TIMP4: variants seen among roughly 807,000 people sequenced by gnomAD.
The protein encoded by TIMP4 is TIMP metallopeptidase inhibitor 4.
Under a neutral mutation model 27.3 loss-of-function variants are expected in TIMP4, and 28 were observed. The ratio of observed to expected loss-of-function variants is 1.03; its 90% CI spans 0.76 to 1.41. The LOEUF (loss-of-function observed/expected upper bound fraction) is 1.41, where lower values mean the gene tolerates loss of function less well. Ranked by LOEUF, TIMP4 falls within the 40% of genes most tolerant of loss-of-function variation. The pLI is 0.00. For missense variants in TIMP4, 307 were observed against 285.5 expected (o/e 1.08, Z -0.54); for synonymous variants, 138 against 115.5 (o/e 1.20, Z -1.25).
In TIMP4 at chr3:12,157,409, G is replaced by A. The variant is rs557105001; in HGVS notation, c.213C>T (p.Leu71=). 2 of 1,614,012 alleles carry A rather than the reference G, an allele frequency of 1.2e-6. No homozygotes were observed. The highest frequency in any genetic ancestry group is 1.7e-5 in the Admixed American group (1 of 59,998). ...CCTTTATCTGTTTGATTTCATACCG[G>A]AGCATTTTTTCAGTGTCAGCAGGGT... ...SADPADTEKM[L]RYEIKQIKMF... Residue 71 remains leucine, a synonymous_variant, in exon 2 of 5, where the codon CTC becomes CTT. Coordinates refer to ENST00000287814, the MANE Select transcript of TIMP4 (RefSeq NM_003256.4).
chr3:12,153,352 G>C lies in TIMP4; in HGVS notation c.*163C>G. ...AACAGGCTGAGGGCAGGGCAGAAAA[G>C]TCATGGCCCCTTCCCTGCCTTGACA... On this transcript the variant is annotated 3_prime_UTR_variant, in exon 5 of 5. Coordinates refer to ENST00000287814, the MANE Select transcript of TIMP4 (RefSeq NM_003256.4). The C allele has an allele frequency of 2.5e-6, 2 of 798,394 alleles. No homozygotes were observed. The highest frequency in any genetic ancestry group is 4.1e-6 in the Non-Finnish European group (2 of 483,826). The allele number at this position is 798,394 out of a possible 1,614,324, so 49.5% of individuals were successfully genotyped here.
At chr3:12,155,565 G>C (rs1394432290) in intron 3 of TIMP4, among the ~76,000 whole-genome samples, 1 of 152,174 alleles carries the variant, frequency 6.6e-6, no homozygotes, top group African/African-American at 2.4e-5. Flanking sequence ...GGGAAAGTGA[G>C]GGGCTGGGAA....
Position 12,158,899 on chromosome 3 carries a change from G to A in TIMP4, c.-59C>T. 10 of 1,460,884 alleles carry A rather than the reference G, an allele frequency of 6.8e-6. No homozygotes were observed. Among genetic ancestry groups the A allele is most frequent in the East Asian group, 2.6e-5 (1 of 39,146 alleles). 90.5% of individuals were successfully genotyped at this position (1,460,884 alleles called of 1,614,324 possible). Reference sequence around the variant, plus strand: ...CTGGGGGACTGGACGGCCCCAGCAGGGCTCCTTCCCAAGGCCGTTGTGCCC... The same window carrying A: ...CTGGGGGACTGGACGGCCCCAGCAGAGCTCCTTCCCAAGGCCGTTGTGCCC... On this transcript the variant is annotated 5_prime_UTR_variant, in exon 1 of 5. Transcript: ENST00000287814.
Position 12,157,357 on chromosome 3 carries a change from C to A in TIMP4, c.237+28G>T, listed in dbSNP as rs895733131. On this transcript the variant is annotated intron_variant, in intron 2 of 4. Transcript: ENST00000287814. ...CCACTTTCTCCATCAGCCTTAGGGG[C>A]TACACATCCCAGCCTGCCCCCATGT... 9.3e-6 allele frequency: 15 copies of A among 1,606,390 alleles called. No individual in the cohort carries two copies. In the Admixed American group the frequency reaches 1.8e-4, roughly 20 times the overall value.
chr3:12,154,365 T>C lies in TIMP4; in HGVS notation c.439A>G (p.Ser147Gly). The change falls in exon 4 of 5, where the codon AGT (serine) becomes GGT (glycine). Residue 147 changes from serine (S) to glycine (G), a missense_variant. Coordinates refer to ENST00000287814, the MANE Select transcript of TIMP4 (RefSeq NM_003256.4). ...WEDLSLVQRE[S>G]LNHHYHLNCG... ...TTCAGATGGTAGTGATGATTCAGAC[T>C]TTCCCTCTGCACCAAGGACAGGTCC... 1 of 1,614,224 alleles carries C rather than the reference T, an allele frequency of 6.2e-7. No homozygotes were observed. The highest frequency in any genetic ancestry group is 1.3e-5 in the African/African-American group (1 of 75,058).
Position 12,158,730 on chromosome 3 carries a change from A to G in TIMP4, c.111T>C (p.Pro37=). 1 of 1,609,910 alleles carries G rather than the reference A, an allele frequency of 6.2e-7. No homozygotes were observed. Among genetic ancestry groups the G allele is most frequent in the Non-Finnish European group, 8.5e-7 (1 of 1,179,696 alleles). Residue 37 remains proline (P), a synonymous_variant, in exon 1 of 5, where the codon CCT becomes CCC. Transcript: ENST00000287814. ...GEACSCAPAH[P]QQHICHSALV... ...GTGCCGAGTGGCAGATGTGCTGCTG[A>G]GGGTGCGCCGGGGCGCAGCTGCATG...
intron 4 of TIMP4, among the ~76,000 whole-genome samples, chr3:12,153,961 T>G (rs950935751): frequency 3.3e-5 from 5 of 152,234 alleles, no homozygotes; most frequent in Admixed American, 2.6e-4. Context: ...CCTTGAGCAC[T>G]TCACTTGCCA....
intron 3 of TIMP4, among the ~76,000 whole-genome samples, chr3:12,155,582 T>C (rs901786331): frequency 3.9e-5 from 6 of 152,152 alleles, no homozygotes; most frequent in African/African-American, 7.2e-5. Flanking sequence ...GGAACTGATA[T>C]TGACAAAGCT....
chr3:12,157,627 G>C, intron 1 of TIMP4, 145 bp from the exon 2 acceptor site: 1 of 704,784 alleles, frequency 1.4e-6, no homozygotes, highest in East Asian at 2.7e-5. Flanking sequence ...TGATGTGTGA[G>C]AAGGGGGACC....
intron 2 of TIMP4, 62 bp from the exon 3 acceptor site, chr3:12,156,996 G>T: frequency 8.3e-7 from 1 of 1,200,404 alleles, no homozygotes; most frequent in South Asian, 1.4e-5. Flanking sequence ...TATATTAACA[G>T]ACAAAAACCT....
chr3:12,154,417 A>G lies in TIMP4; in HGVS notation c.387T>C (p.His129=). Residue 129 remains histidine (H), a synonymous_variant, in exon 4 of 5, where the codon CAT becomes CAC. Coordinates refer to ENST00000287814, the MANE Select transcript of TIMP4 (RefSeq NM_003256.4). ...CCCAGGGCTCGATGTAGTTGCACAG[A>G]TGGATGAAGACTTTTCCATCACTGA... ...QVLSDGKVFI[H]LCNYIEPWED... is the part of the protein sequence containing the mutation. 2 of 1,614,134 alleles carry G rather than the reference A, an allele frequency of 1.2e-6. No homozygotes were observed. Among genetic ancestry groups the G allele is most frequent in the Non-Finnish European group, 1.7e-6 (2 of 1,180,018 alleles).
Position 12,158,846 on chromosome 3 carries a change from T to G in TIMP4, c.-6A>C. 1 of 1,568,750 alleles carries G rather than the reference T, an allele frequency of 6.4e-7. No individual in the cohort carries two copies. Among genetic ancestry groups the G allele is most frequent in the East Asian group, 2.3e-5 (1 of 43,822 alleles). ...GGCCGAGGGCTCCCAGGCATGACACTGCAGATCCGCGACTGAGCCTGTGAG... is the reference window on the plus strand; with the variant it reads ...GGCCGAGGGCTCCCAGGCATGACACGGCAGATCCGCGACTGAGCCTGTGAG... On this transcript the variant is annotated 5_prime_UTR_variant, in exon 1 of 5. Coordinates refer to ENST00000287814, the MANE Select transcript of TIMP4 (RefSeq NM_003256.4).
Position 12,153,647 on chromosome 3 carries a change from C to T in TIMP4, c.543G>A (p.Trp181Ter). 6.2e-7 allele frequency: 1 copy of T among 1,614,178 alleles called. No individual in the cohort carries two copies. Among genetic ancestry groups the T allele is most frequent in the East Asian group, 2.2e-5 (1 of 44,884 alleles). Residue 181 changes from tryptophan (W) to a stop codon, truncating the protein, a stop_gained, in exon 5 of 5, where the codon TGG becomes TGA. Coordinates refer to ENST00000287814, the MANE Select transcript of TIMP4 (RefSeq NM_003256.4). LOFTEE classifies it high-confidence loss of function. ...AACCATAGAGCTTTCGTTCCAACAGCCAGTCTGTCCAGAGGCACTCGTTAG... is the reference window on the plus strand; with the variant it reads ...AACCATAGAGCTTTCGTTCCAACAGTCAGTCTGTCCAGAGGCACTCGTTAG... ...SAPNECLWTDWLLERKLYGYQ... is the reference protein window; with the variant it reads ...SAPNECLWTD
Position 12,153,696 on chromosome 3 carries a change from G to A in TIMP4, c.494C>T (p.Thr165Ile), listed in dbSNP as rs370220584. 32 of 1,614,216 alleles carry A rather than the reference G, an allele frequency of 2.0e-5. No homozygotes were observed. Among genetic ancestry groups the A allele is most frequent in the Non-Finnish European group, 2.6e-5 (31 of 1,180,038 alleles). Residue 165 changes from threonine (T) to isoleucine (I), a missense_variant, in exon 5 of 5, where the codon ACA becomes ATA. Transcript: ENST00000287814. ...NCGCQITTCYTVPCTISAPNE... is the reference protein window; with the variant it reads ...NCGCQITTCYIVPCTISAPNE... ...AGGGGCCGAGATGGTACAGGGTACT[G>A]TGTAGCAGGTGGTGATCTAGAGTCA...
At position 12,153,792 on chromosome 3, in the gene TIMP4, C is replaced by T. The variant is rs577466643; in HGVS notation, c.478-80G>A. The T allele has an allele frequency of 5.5e-5, 82 of 1,479,842 alleles. No homozygotes were observed. The African/African-American group carries it at 9.7e-4, about 18-fold the overall frequency. The allele number at this position is 1,479,842 out of a possible 1,614,324, so 91.7% of individuals were successfully genotyped here. A position where few individuals can be genotyped will look rare whatever the true frequency, so the allele number is the denominator to read the frequency against. On this transcript the variant is annotated intron_variant, in intron 4 of 4. Transcript: ENST00000287814. ...TGCTGCCTTTCAGATTCCTACGTAC[C>T]TTTCCAGCCCATCTCAAATGCCCCC...
chr3:12,158,623 G>T, intron 1 of TIMP4, 79 bp downstream of exon 1: 1 of 1,566,964 alleles, frequency 6.4e-7, no homozygotes, highest in Non-Finnish European at 8.6e-7. Flanking sequence ...TTTTCCTCTG[G>T]ACTCCTGGTG....
chr3:12,157,408 G>T lies in TIMP4; in HGVS notation c.214C>A (p.Arg72=), dbSNP rs750080317. The change falls in exon 2 of 5, where the codon CGG becomes AGG. Residue 72 remains arginine (R), a synonymous_variant. Transcript: ENST00000287814. The part of the protein sequence containing the change: ...ADPADTEKML[R]YEIKQIKMFK... ...ACCTTTATCTGTTTGATTTCATACC[G>T]GAGCATTTTTTCAGTGTCAGCAGGG... The T allele has an allele frequency of 6.2e-7, 1 of 1,614,116 alleles. No individual in the cohort carries two copies. The highest frequency in any genetic ancestry group is 2.2e-5 in the East Asian group (1 of 44,878).
intron 3 of TIMP4, 134 bp downstream of exon 3, chr3:12,156,686 C>T (rs1697466488): frequency 1.6e-6 from 1 of 634,016 alleles, no homozygotes; most frequent in Admixed American, 2.9e-5. Context: ...GTCACTAACA[C>T]AGCTCTGTTT....
At chr3:12,154,535 T>C (rs755203716) in intron 3 of TIMP4, 84 bp from the exon 4 acceptor site, 12 of 1,519,358 alleles carry the variant, frequency 7.9e-6, no homozygotes, top group Non-Finnish European at 9.8e-6. Flanking sequence ...AAGCCCAGAA[T>C]TGCAGCCTCC....
Sources: gnomAD v4.1 joint callset for allele counts (sites outside exome capture counted in the v4.1 genomes callset) on GRCh38, gnomAD v4.1.1 for gene constraint, MANE v1.5 for transcripts, NCBI Gene and HGNC (gene_info 2026-07-23, HGNC 2026-07-21) for gene names.